Variants in SH3D21 observed in about 807,000 individuals in gnomAD.
SH3D21 encodes the protein manchette microtubule inner protein 1.
SH3D21 carries 83 observed loss-of-function variants against 82.1 expected under a neutral mutation model. The observed-to-expected ratio is 1.01, with a 90% CI of 0.85 to 1.21. SH3D21 has a LOEUF of 1.21. Ranked by LOEUF, SH3D21 falls within the 50% of genes most tolerant of loss-of-function variation. The pLI, the probability that SH3D21 is intolerant of heterozygous loss-of-function variation, is 0.00. For missense variants in SH3D21, 980 were observed against 962.1 expected, an observed-to-expected ratio of 1.02 and a Z score of -0.25; for synonymous variants, 383 against 387.8, an observed-to-expected ratio of 0.99 and a Z score of 0.15.
chr1:36,307,058 C>T lies in SH3D21; in HGVS notation c.227-109C>T. ...TTGGTTCTCGAGTGCAATGCTCCGC[C>T]CTGGGGCGGGGCTGGAGGGACCAAA... On this transcript the variant is annotated intron_variant, in intron 3 of 15. Transcript: ENST00000453908. The surrounding 1 kb of genome is among the most constrained non-coding windows in gnomAD (Gnocchi z 5.4). The T allele has an allele frequency of 1.3e-6, 2 of 1,493,718 alleles. No homozygotes were observed. Among genetic ancestry groups the T allele is most frequent in the Non-Finnish European group, 1.8e-6 (2 of 1,117,804 alleles). The allele number at this position is 1,493,718 out of a possible 1,614,324, so 92.5% of individuals were successfully genotyped here.
At chr1:36,309,459 T>C (rs1390202523) in intron 9 of SH3D21, 89 bp from the exon 10 acceptor site, 35 of 1,459,774 alleles carry the variant, frequency 2.4e-5, no homozygotes, top group Non-Finnish European at 3.2e-5. Context: ...GTGCTGGGAT[T>C]ATAGGTGTGA....
chr1:36,307,527 G>A lies in SH3D21; in HGVS notation c.356G>A (p.Gly119Asp). 1 of 1,551,670 alleles carries A rather than the reference G, an allele frequency of 6.4e-7. No homozygotes were observed. The highest frequency in any genetic ancestry group is 1.4e-5 in the African/African-American group (1 of 73,152). ...IVEMIKEIED[G>D]WWLGKKNGQL... ...CTCCCCTCTCCCCAGATTGAGGACG[G>A]CTGGTGGCTGGGGAAGAAGAACGGG... The change falls in exon 5 of 16, where the codon GGC becomes GAC. Residue 119 changes from glycine (G) to aspartate (D), a missense_variant. By Grantham distance (94) the Gly-to-Asp change is moderately conservative. Transcript: ENST00000453908. The surrounding 1 kb of genome is among the most constrained non-coding windows in gnomAD (Gnocchi z 5.4).
Position 36,307,393 on chromosome 1 carries a change from G to A in SH3D21, c.345+108G>A. 1.3e-6 allele frequency: 2 copies of A among 1,513,402 alleles called. No homozygotes were observed. Among genetic ancestry groups the A allele is most frequent in the South Asian group, 2.5e-5 (2 of 81,018 alleles). The allele number at this position is 1,513,402 out of a possible 1,614,324, so 93.7% of individuals were successfully genotyped here. On this transcript the variant is annotated intron_variant, in intron 4 of 15. Transcript: ENST00000453908. The surrounding 1 kb of genome is among the most constrained non-coding windows in gnomAD (Gnocchi z 5.4). Reference sequence around the variant, plus strand: ...GGACGGTGGGAATGGCGACGGTGCAGATACGGGGAAGCGCGGGAGGGAAGG... The same window carrying A: ...GGACGGTGGGAATGGCGACGGTGCAAATACGGGGAAGCGCGGGAGGGAAGG...
intron 10 of SH3D21, among the ~76,000 whole-genome samples, chr1:36,315,008 G>A (rs1217718440): frequency 6.6e-6 from 1 of 152,048 alleles, no homozygotes; most frequent in Non-Finnish European, 1.5e-5. Flanking sequence ...CATACAAAAT[G>A]CTCTGCAAAT....
downstream of SH3D21, chr1:36,321,663 G>C (rs1009944611): frequency 9.8e-7 from 1 of 1,016,262 alleles, no homozygotes; most frequent in Admixed American, 5.1e-5. This position sits in a 1 kb window ranked among gnomAD's most constrained non-coding sequence, Gnocchi z 6.1. Context: ...CTTACACCGG[G>C]GCTAGCAGCA....
intron 10 of SH3D21, among the ~76,000 whole-genome samples, chr1:36,317,713 G>A (rs1356428947): frequency 3.9e-5 from 6 of 152,120 alleles, no homozygotes; most frequent in Admixed American, 1.3e-4. Flanking sequence ...ACAGGCGCAC[G>A]CCACCATGCC....
downstream of SH3D21, chr1:36,328,547 G>A (rs6695768): frequency 0.027 from 5,849 of 214,814 alleles, 343 homozygotes; most frequent in African/African-American, 0.12. Context: ...GAGGTGTGCA[G>A]ATCACTGAAG....
Position 36,319,096 on chromosome 1 carries a change from G to T in SH3D21, c.795G>T (p.Leu265Phe). 6.4e-7 allele frequency: 1 copy of T among 1,551,210 alleles called. No individual in the cohort carries two copies. Among genetic ancestry groups the T allele is most frequent in the Non-Finnish European group, 8.7e-7 (1 of 1,146,674 alleles). ...ESAPIKEPKKLMPKTSLPTVK... is the reference protein window; with the variant it reads ...ESAPIKEPKKFMPKTSLPTVK... ...CTCCTATTAAGGAACCAAAAAAGTT[G>T]ATGCCCAAAACATCCCTCCCCACAG... The change falls in exon 11 of 16, where the codon TTG (leucine) becomes TTT (phenylalanine). Residue 265 changes from leucine (L) to phenylalanine (F), a missense_variant. Coordinates refer to ENST00000453908, the MANE Select transcript of SH3D21 (RefSeq NM_001162530.2).
chr1:36,327,046 G>A (rs1473900147), downstream of SH3D21, among the ~76,000 whole-genome samples: 3 of 152,184 alleles, frequency 2.0e-5, no homozygotes, highest in Admixed American at 2.0e-4. Flanking sequence ...AACATCTGGG[G>A]TAAGGGGGCA....
Position 36,319,702 on chromosome 1 carries a change from G to GC in SH3D21, c.1044dup (p.Ser349LeufsTer33), listed in dbSNP as rs765083003. 3.8e-6 allele frequency: 6 copies of GC among 1,592,864 alleles called. No individual in the cohort carries two copies. The highest frequency in any genetic ancestry group is 2.2e-5 in the East Asian group (1 of 44,568). Reference sequence around the variant, plus strand: ...GGAAGAGCACAGCAGCCCGGTAAAGGCCCCCTCTGTGAAGAGAACCCCCAT... The same window carrying GC: ...GGAAGAGCACAGCAGCCCGGTAAAGGCCCCCCTCTGTGAAGAGAACCCCCAT... On this transcript the variant is annotated frameshift_variant, in exon 14 of 16. Coordinates refer to ENST00000453908, the MANE Select transcript of SH3D21 (RefSeq NM_001162530.2). LOFTEE classifies it high-confidence loss of function.
downstream of SH3D21, chr1:36,322,370 C>T (rs888792187): frequency 6.3e-7 from 1 of 1,590,016 alleles, no homozygotes; most frequent in South Asian, 1.1e-5. Context: ...CCAGCAGGTC[C>T]GGCTGCCCGG....
chr1:36,313,689 C>A (rs139016027), intron 10 of SH3D21, among the ~76,000 whole-genome samples: 1 of 151,802 alleles, frequency 6.6e-6, no homozygotes, highest in Non-Finnish European at 1.5e-5. Context: ...TTCAGCCTCC[C>A]GAGTAGCTAG....
At chr1:36,326,498 G>A (rs533655355), downstream of SH3D21, among the ~76,000 whole-genome samples, 1 of 152,290 alleles carries the variant, frequency 6.6e-6, no homozygotes, top group East Asian at 1.9e-4. Flanking sequence ...CCAAAGTGCT[G>A]GAATTACAGG....
chr1:36,320,603 C>G lies in SH3D21; in HGVS notation c.1940C>G (p.Pro647Arg). The change falls in exon 14 of 16, where the codon CCC (proline) becomes CGC (arginine). Residue 647 changes from proline to arginine, a missense_variant. Physicochemically the swap from Pro to Arg is moderately radical, Grantham distance 103 (BLOSUM62 -2). Transcript: ENST00000453908. ...GAAGTGGCTCCAAAAGAGGAGGTGC[C>G]CCCCATAGAAAGAGCCTTTGCCCAA... ...KEEVAPKEEV[P>R]PIERAFAQKT... 5.0e-6 allele frequency: 8 copies of G among 1,614,196 alleles called. No homozygotes were observed. The highest frequency in any genetic ancestry group is 6.8e-6 in the Non-Finnish European group (8 of 1,180,048).
chr1:36,319,217 TCCCTGTGCCCCA>T (rs967719787), intron 11 of SH3D21, 31 bp from the exon 12 acceptor site: 1 of 1,550,978 alleles, frequency 6.4e-7, no homozygotes, highest in African/African-American at 1.4e-5. Context: ...GCAACGCCCC[TCCCTGTGCCCCA>T]CCCTGAGGGC....
chr1:36,310,951 C>A (rs759108700), intron 10 of SH3D21, among the ~76,000 whole-genome samples: 2 of 151,944 alleles, frequency 1.3e-5, no homozygotes, highest in African/African-American at 4.8e-5. Context: ...CTCTGTTGCC[C>A]AGGCTGGAGT....
At chr1:36,321,388 A>C, downstream of SH3D21, 56 of 505,162 alleles carry the variant, frequency 1.1e-4, no homozygotes, top group Non-Finnish European at 1.6e-4. The surrounding 1 kb of genome is among the most constrained non-coding windows in gnomAD (Gnocchi z 6.1). Flanking sequence ...CCGGATGGTG[A>C]GGGGCGGGGG....
Position 36,308,125 on chromosome 1 carries a change from C to T in SH3D21, c.555C>T (p.Val185=). ...TCTTCCCAGTCTCCCACCCTGAGGT[C>T]TACAGGGTCCTGTTTGACTACCAGC... ...DYLQTVSHPE[V]YRVLFDYQPE... is the part of the protein sequence containing the mutation. Residue 185 remains valine, a synonymous_variant, in exon 8 of 16, where the codon GTC becomes GTT. Transcript: ENST00000453908. 1 of 1,549,592 alleles carries T rather than the reference C, an allele frequency of 6.5e-7. No individual in the cohort carries two copies. Among genetic ancestry groups the T allele is most frequent in the Admixed American group, 2.0e-5 (1 of 50,732 alleles).
intron 10 of SH3D21, among the ~76,000 whole-genome samples, chr1:36,314,968 A>G (rs553921972): frequency 6.7e-4 from 102 of 152,254 alleles, no homozygotes; most frequent in Non-Finnish European, 1.2e-3. Context: ...GCCTGGGATG[A>G]AAACGGCCCT....
Sources: allele counts gnomAD v4.1 joint callset (sites outside exome capture counted in the v4.1 genomes callset), GRCh38; gene constraint gnomAD v4.1.1; non-coding constraint Gnocchi (gnomAD v3.1); transcripts MANE v1.5; gene names NCBI Gene and HGNC (gene_info 2026-07-23, HGNC 2026-07-21).